The following PPP2R2B variants were observed in gnomAD, a reference collection of about 807,000 sequenced individuals.
PPP2R2B encodes protein phosphatase 2 regulatory subunit Bbeta.
In PPP2R2B, 5 loss-of-function variants were observed where a neutral mutation model predicts 46.0. The ratio of observed to expected loss-of-function variants is 0.11; its 90% CI spans 0.06 to 0.23. PPP2R2B has a LOEUF of 0.23. Ranked by LOEUF, PPP2R2B falls within the 10% of genes least tolerant of loss-of-function variation. PPP2R2B has a pLI of 1.00. For synonymous variants in PPP2R2B, 215 were observed against 206.7 expected, an observed-to-expected ratio of 1.04 and a Z score of -0.34; for missense variants, 367 against 575.0, an observed-to-expected ratio of 0.64 and a Z score of 3.70.
At chr5:146,859,933 G>GT (rs553249804) in intron 2 of PPP2R2B, among the ~76,000 whole-genome samples, 56 of 152,076 alleles carry the variant, frequency 3.7e-4, no homozygotes, top group Middle Eastern at 3.4e-3. Flanking sequence ...TCTATCTGAA[G>GT]TTTACCTTGG....
intron 1 of PPP2R2B, among the ~76,000 whole-genome samples, chr5:147,046,460 A>G (rs1054074195): frequency 2.0e-5 from 3 of 152,162 alleles, no homozygotes; most frequent in Non-Finnish European, 4.4e-5. Context: ...GGAAACAATG[A>G]CTCAGAAAAC....
At chr5:146,773,259 G>A (rs887338485) in intron 2 of PPP2R2B, among the ~76,000 whole-genome samples, 1 of 152,200 alleles carries the variant, frequency 6.6e-6, no homozygotes, top group African/African-American at 2.4e-5. Flanking sequence ...ATACTGCACA[G>A]CCGTTTGCAT....
chr5:146,713,096 G>A (rs773499251), intron 2 of PPP2R2B, among the ~76,000 whole-genome samples: 17 of 152,204 alleles, frequency 1.1e-4, no homozygotes, highest in Non-Finnish European at 2.4e-4. Context: ...AGATGAACAG[G>A]ACTGGCATTT....
chr5:146,957,699 C>T (rs1010075330), intron 1 of PPP2R2B, among the ~76,000 whole-genome samples: 1 of 152,146 alleles, frequency 6.6e-6, no homozygotes, highest in Non-Finnish European at 1.5e-5. Context: ...TCACCATAGT[C>T]ATCATAGTTT....
chr5:146,644,093 A>G (rs1284711943), intron 6 of PPP2R2B, among the ~76,000 whole-genome samples: 1 of 152,186 alleles, frequency 6.6e-6, no homozygotes, highest in Non-Finnish European at 1.5e-5. Flanking sequence ...GTAAGAGGTG[A>G]ATTGTTTATT....
intron 2 of PPP2R2B, among the ~76,000 whole-genome samples, chr5:146,781,814 G>A (rs762474910): frequency 6.6e-5 from 10 of 152,244 alleles, no homozygotes; most frequent in South Asian, 4.1e-4. Context: ...GAAGAAAGAC[G>A]CTAGGAATGA....
intron 1 of PPP2R2B, among the ~76,000 whole-genome samples, chr5:146,988,125 T>C (rs1381873941): frequency 6.6e-6 from 1 of 151,938 alleles, no homozygotes; most frequent in East Asian, 1.9e-4. Context: ...ATAAAGCAAA[T>C]ATTAACAGAC....
At chr5:146,959,243 C>T (rs963495863) in intron 1 of PPP2R2B, among the ~76,000 whole-genome samples, 3 of 152,092 alleles carry the variant, frequency 2.0e-5, no homozygotes, top group African/African-American at 4.8e-5. Flanking sequence ...ACCTAACATG[C>T]CTTCTAGCAT....
At position 146,753,225 on chromosome 5, in the gene PPP2R2B, G is replaced by C. The variant is rs1378707785; in HGVS notation, c.71-52083C>G. ...TACCTACTTAACAGGGCTGCTATGA[G>C]AAGGAAAAGTTATTGTCCATGAAAT... On this transcript the variant is annotated intron_variant, in intron 2 of 9. Coordinates refer to ENST00000394411, the MANE Select transcript of PPP2R2B (RefSeq NM_181675.4). 5.3e-5 allele frequency among the ~76,000 whole-genome samples: 8 copies of C among 152,180 alleles called. No individual in the cohort carries two copies. The East Asian group carries it at 1.2e-3, about 22-fold the overall frequency.
chr5:146,830,692 G>T (rs1758873538), intron 2 of PPP2R2B, among the ~76,000 whole-genome samples: 1 of 152,048 alleles, frequency 6.6e-6, no homozygotes, highest in African/African-American at 2.4e-5. Flanking sequence ...GGCTGGTCTT[G>T]AGCTCCTGAC....
chr5:146,686,646 G>A (rs1581873537), intron 5 of PPP2R2B, among the ~76,000 whole-genome samples: 2 of 152,132 alleles, frequency 1.3e-5, no homozygotes, highest in African/African-American at 4.8e-5. Context: ...ATTTTGGGAA[G>A]GTTATGACCA....
chr5:146,609,735 C>A (rs371919406), intron 7 of PPP2R2B, among the ~76,000 whole-genome samples: 1 of 143,066 alleles, frequency 7.0e-6, no homozygotes, highest in Non-Finnish European at 1.5e-5. Flanking sequence ...GGGTGACGGA[C>A]GCACCTGGAA....
rs1418812258 is a variant in PPP2R2B, at chr5:146,679,010, C to G, written c.447+12118G>C. 3.6e-3 allele frequency among the ~76,000 whole-genome samples: 201 copies of G among 55,506 alleles called. 2 individuals carry two copies. The highest frequency in any genetic ancestry group is 0.02 in the African/African-American group (193 of 9,826). 36.4% of individuals were successfully genotyped at this position (55,506 alleles called of 152,430 possible). On this transcript the variant is annotated intron_variant, in intron 5 of 9. Coordinates refer to ENST00000394411, the MANE Select transcript of PPP2R2B (RefSeq NM_181675.4). ...TTCAATGCCATCCCCATCAAGCTAC[C>G]AATGCCTTTCTTCACAGAATTGGAA...
chr5:146,671,217 G>A (rs1777347690), intron 5 of PPP2R2B, among the ~76,000 whole-genome samples: 1 of 152,154 alleles, frequency 6.6e-6, no homozygotes, highest in Non-Finnish European at 1.5e-5. Flanking sequence ...ATACACCAAG[G>A]TAGTATGTTA....
intron 2 of PPP2R2B, among the ~76,000 whole-genome samples, chr5:146,818,588 C>CATGTG (rs1182638806): frequency 1.3e-5 from 2 of 152,178 alleles, no homozygotes; most frequent in African/African-American, 4.8e-5. Flanking sequence ...AGCACCTTAC[C>CATGTG]ATGTGCGGGT....
At chr5:146,878,834 C>G (rs1303326229), upstream of PPP2R2B, 5 of 1,246,786 alleles carry the variant, frequency 4.0e-6, no homozygotes. This position sits in a 1 kb window ranked among gnomAD's most constrained non-coding sequence, Gnocchi z 4.5. Context: ...GACTCTTTCC[C>G]AGCAGCAGTG....
In PPP2R2B at chr5:146,752,094, T is replaced by G. The variant is rs74382744; in HGVS notation, c.71-50952A>C. ...AGAGAACAGATGGTGGATAGAAATC[T>G]GTTACAAGTTTATTAGAAAAGTCCA... is the stretch of plus-strand genomic sequence containing the variant. On this transcript the variant is annotated intron_variant, in intron 2 of 9. Transcript: ENST00000394411. Among the ~76,000 whole-genome samples the G allele has an allele frequency of 1.9e-3, 287 of 152,160 alleles. 1 individual carries two copies. Among genetic ancestry groups the G allele is most frequent in the African/African-American group, 6.6e-3 (273 of 41,502 alleles).
rs537318992 is a variant in PPP2R2B, at chr5:146,735,631, A to G, written c.71-34489T>C. On this transcript the variant is annotated intron_variant, in intron 2 of 9. Transcript: ENST00000394411. ...TGGAAAAGTGGAAAGGATAAGGGAA[A>G]TATAAAACCATGGACGTTGCTGGAA... 3.3e-5 allele frequency among the ~76,000 whole-genome samples: 5 copies of G among 152,308 alleles called. No individual in the cohort carries two copies. In the South Asian group the frequency reaches 8.3e-4, roughly 25 times the overall value.
chr5:146,807,271 A>T (rs1197877448), intron 2 of PPP2R2B, among the ~76,000 whole-genome samples: 1 of 152,176 alleles, frequency 6.6e-6, no homozygotes, highest in Non-Finnish European at 1.5e-5. Context: ...CTATTTCATG[A>T]GACAGTGGCA....
Sources: gnomAD v4.1 joint callset for allele counts (sites outside exome capture counted in the v4.1 genomes callset) on GRCh38, gnomAD v4.1.1 for gene constraint, Gnocchi (gnomAD v3.1) non-coding constraint, MANE v1.5 for transcripts, NCBI Gene and HGNC (gene_info 2026-07-23, HGNC 2026-07-21) for gene names.